Variants in EVL observed in about 807,000 individuals in gnomAD.
The protein encoded by EVL is Enah/Vasp-like.
EVL carries 21 observed loss-of-function variants against 59.6 expected under a neutral mutation model. The ratio of observed to expected loss-of-function variants is 0.35; its 90% confidence interval spans 0.25 to 0.51. The LOEUF (loss-of-function observed/expected upper bound fraction) is 0.51, where lower values mean the gene tolerates loss of function less well. EVL is among the 20% of genes least tolerant of loss of function. The probability of loss-of-function intolerance (pLI) is 0.97; values close to 1 mark genes in which losing one functional copy is unlikely to be tolerated. For synonymous variants in EVL, 198 were observed against 203.5 expected (o/e 0.97, Z 0.23); for missense variants, 462 against 546.6 (o/e 0.85, Z 1.54).
intron 1 of EVL, chr14:99,977,227 A>G (rs554400703): frequency 6.6e-6 from 1 of 152,308 alleles, no homozygotes; most frequent in African/African-American, 2.4e-5. Flanking sequence ...ACTCCTCTTA[A>G]TAAATAATTA....
intron 1 of EVL, chr14:100,074,429 T>C (rs2062117959): frequency 6.6e-6 from 1 of 152,216 alleles, no homozygotes; most frequent in African/African-American, 2.4e-5. Flanking sequence ...CTCTCCTGTT[T>C]ATTTCATCAG....
chr14:100,136,710 C>T (rs1216576323), intron 9 of EVL, among the ~76,000 whole-genome samples: 1 of 152,118 alleles, frequency 6.6e-6, no homozygotes, highest in Admixed American at 6.6e-5. Flanking sequence ...CACGCCATGT[C>T]CTCTCCTCCT....
chr14:100,135,955 A>G lies in EVL; in HGVS notation c.951A>G (p.Pro317=). The G allele has an allele frequency of 6.2e-7, 1 of 1,613,668 alleles. No homozygotes were observed. Among genetic ancestry groups the G allele is most frequent in the Non-Finnish European group, 8.5e-7 (1 of 1,179,982 alleles). ...CGGGGACCCGAGCAGCCAGCCAGCC[A>G]CCTAACTCCTCAGGTGAGAGGGCGC... ...PSPGTRAASQ[P]PNSSEAGRKP... is the part of the protein sequence containing the mutation. The change falls in exon 9 of 14, where the codon CCA becomes CCG. Residue 317 remains proline (P), a synonymous_variant. Transcript: ENST00000392920.
At chr14:100,134,110 G>A (rs919209423) in intron 8 of EVL, among the ~76,000 whole-genome samples, 1 of 152,226 alleles carries the variant, frequency 6.6e-6, no homozygotes, top group Non-Finnish European at 1.5e-5. Flanking sequence ...GGAGGGCGAG[G>A]CCTGGGCTTC....
rs564862415 is a variant in EVL at position 100,097,649 on chromosome 14, C to G, written c.349C>G (p.Gln117Glu). The change falls in exon 3 of 14, where the codon CAA (glutamine) becomes GAA (glutamate). Residue 117 changes from glutamine (Q) to glutamate (E), a missense_variant. Transcript: ENST00000392920. ...MLFALNIMNS[Q>E]EGGPSSQRQV... Reference sequence around the variant, plus strand: ...GTTTGCCCTGAACATCATGAATTCCCAAGAAGGAGGTAAGTAGGGCTTTGT... The same window carrying G: ...GTTTGCCCTGAACATCATGAATTCCGAAGAAGGAGGTAAGTAGGGCTTTGT... 6.2e-7 allele frequency: 1 copy of G among 1,610,258 alleles called. No homozygotes were observed. The highest frequency in any genetic ancestry group is 1.1e-5 in the South Asian group (1 of 90,458).
In EVL at chr14:100,097,461, C is replaced by A. The variant is rs774374990; in HGVS notation, c.181-20C>A. 6.3e-7 allele frequency: 1 copy of A among 1,588,036 alleles called. No individual in the cohort carries two copies. ...ACATTTTATTTATTTACACGTATTT[C>A]TCTCTCCTTTCTCCTCCAGGTTGTG... On this transcript the variant is annotated intron_variant, in intron 2 of 13. Coordinates refer to ENST00000392920, the MANE Select transcript of EVL (RefSeq NM_016337.3).
intron 8 of EVL, among the ~76,000 whole-genome samples, chr14:100,133,421 A>T (rs1424035149): frequency 3.3e-5 from 5 of 152,202 alleles, no homozygotes; most frequent in Non-Finnish European, 4.4e-5. Context: ...TGAAGGTTCC[A>T]CCTCAGTGCA....
At chr14:100,061,223 CTACAAAAAA>C (rs2061823082), upstream of EVL, among the ~76,000 whole-genome samples, 2 of 151,536 alleles carry the variant, frequency 1.3e-5, no homozygotes, top group African/African-American at 2.4e-5. Context: ...AAACCCTTCT[CTACAAAAAA>C]TACAAAAATT....
chr14:100,112,839 T>TCCAGGGGAATCTA (rs1417821919), intron 3 of EVL, among the ~76,000 whole-genome samples: 2 of 152,222 alleles, frequency 1.3e-5, no homozygotes, highest in Non-Finnish European at 2.9e-5. Flanking sequence ...CTCTCTAGAT[T>TCCAGGGGAATCTA]GTAAGTTCCA....
At chr14:100,131,370 G>A (rs1448614346) in intron 7 of EVL, among the ~76,000 whole-genome samples, 1 of 152,168 alleles carries the variant, frequency 6.6e-6, no homozygotes, top group Admixed American at 6.5e-5. Context: ...AGCTCAGCAG[G>A]GATCAATCAG....
At chr14:100,143,062 T>C (rs1022044656) in intron 13 of EVL, among the ~76,000 whole-genome samples, 2 of 151,668 alleles carry the variant, frequency 1.3e-5, no homozygotes, top group Non-Finnish European at 2.9e-5. Context: ...TGAGTTGACA[T>C]AGAGGAGGGG....
chr14:100,017,994 C>T (rs970395154), intron 1 of EVL, among the ~76,000 whole-genome samples: 1 of 152,254 alleles, frequency 6.6e-6, no homozygotes, highest in African/African-American at 2.4e-5. Context: ...TACTGGATCA[C>T]TCTTCTCCCT....
At chr14:100,124,600 G>A (rs1247164071) in intron 4 of EVL, among the ~76,000 whole-genome samples, 1 of 152,200 alleles carries the variant, frequency 6.6e-6, no homozygotes, top group Non-Finnish European at 1.5e-5. Context: ...TAACCAGAGA[G>A]TCAGGCAGAA....
At position 100,065,509 on chromosome 14, in the gene EVL, A is replaced by T; in HGVS notation, c.9A>T (p.Thr3=). The part of the protein sequence containing the change: MA[T]SEQSICQARA... The stretch of plus-strand genomic sequence containing the variant: ...GCTGCCACTTTTCAGCCATGGCCAC[A>T]AGGTGAGTATTGGAACCAGTGCAGG... The change falls in exon 1 of 14, where the codon ACA becomes ACT. Residue 3 remains threonine, a splice_region_variant and synonymous_variant. Coordinates refer to ENST00000392920, the MANE Select transcript of EVL (RefSeq NM_016337.3). 4 of 1,524,684 alleles carry T rather than the reference A, an allele frequency of 2.6e-6. No homozygotes were observed. Among genetic ancestry groups the T allele is most frequent in the Non-Finnish European group, 3.6e-6 (4 of 1,125,538 alleles). The allele number at this position is 1,524,684 out of a possible 1,614,324, so 94.4% of individuals were successfully genotyped here. A position where few individuals can be genotyped will look rare whatever the true frequency, so the allele number is the denominator to read the frequency against.
intron 1 of EVL, among the ~76,000 whole-genome samples, chr14:99,983,350 C>T (rs1371884029): frequency 1.3e-5 from 2 of 152,118 alleles, no homozygotes; most frequent in Non-Finnish European, 2.9e-5. Flanking sequence ...TTCAGTCGAG[C>T]ACACTTAGCT....
At chr14:99,982,885 C>A (rs1231592374) in intron 1 of EVL, among the ~76,000 whole-genome samples, 1 of 152,154 alleles carries the variant, frequency 6.6e-6, no homozygotes, top group Non-Finnish European at 1.5e-5. Context: ...TATCAGCTGA[C>A]TTTTAGCAAT....
intron 1 of EVL, among the ~76,000 whole-genome samples, chr14:100,057,724 A>C (rs2061756807): frequency 6.6e-6 from 1 of 152,206 alleles, no homozygotes; most frequent in Admixed American, 6.5e-5. Flanking sequence ...AGTGGTTGAG[A>C]ATACCAGAAT....
intron 1 of EVL, among the ~76,000 whole-genome samples, chr14:100,010,558 G>A (rs969943410): frequency 1.3e-5 from 2 of 152,156 alleles, no homozygotes; most frequent in African/African-American, 2.4e-5. Flanking sequence ...ACCTCGCCCA[G>A]CTAATTCTTT....
intron 4 of EVL, 140 bp downstream of exon 4, chr14:100,123,742 C>A: frequency 1.3e-6 from 1 of 762,224 alleles, no homozygotes; most frequent in Non-Finnish European, 2.1e-6. Context: ...GTGCAAGGTG[C>A]AAGCCAGACC....
Sources: allele counts gnomAD v4.1 joint callset (sites outside exome capture counted in the v4.1 genomes callset), GRCh38; gene constraint gnomAD v4.1.1; transcripts MANE v1.5; gene names NCBI Gene and HGNC (gene_info 2026-07-23, HGNC 2026-07-21).